Variants in UEVLD observed in about 807,000 individuals in gnomAD.
UEVLD encodes UEV and lactate/malate dehyrogenase domains, also known as ubiquitin-conjugating enzyme E2 variant 3.
A neutral mutation model predicts 58.6 loss-of-function variants in UEVLD; 47 were observed. That is an observed-to-expected ratio of 0.80 (90% confidence interval 0.63 to 1.02). The LOEUF (loss-of-function observed/expected upper bound fraction) is 1.02. UEVLD is among the 50% of genes least tolerant of loss of function. UEVLD has a pLI of 0.00. For missense variants in UEVLD, 510 were observed against 550.6 expected (o/e 0.93, Z 0.74); for synonymous variants, 197 against 195.3 (o/e 1.01, Z -0.07).
intron 6 of UEVLD, among the ~76,000 whole-genome samples, chr11:18,559,210 T>C (rs1342706969): frequency 6.9e-6 from 1 of 145,286 alleles, no homozygotes; most frequent in African/African-American, 2.6e-5. Context: ...CTTTTCTTTT[T>C]TTTTCTGAGA....
intron 4 of UEVLD, chr11:18,569,843 G>GT (rs2134034642): frequency 6.2e-6 from 1 of 160,990 alleles, no homozygotes; most frequent in South Asian, 1.7e-4. Context: ...TTATATGAAA[G>GT]TCAAAAACAG....
chr11:18,564,534 A>T (rs556635897), intron 6 of UEVLD, among the ~76,000 whole-genome samples: 65 of 142,690 alleles, frequency 4.6e-4, no homozygotes, highest in African/African-American at 1.7e-3. Flanking sequence ...GGCCATCTTT[A>T]AAAAAAAAAA....
chr11:18,554,392 AT>A (rs34857682), intron 7 of UEVLD, among the ~76,000 whole-genome samples: 11,934 of 107,360 alleles, frequency 0.11, 648 homozygotes, highest in South Asian at 0.24. Flanking sequence ...GTGCCTGGCC[AT>A]TTTTTTTTTT....
intron 8 of UEVLD, 49 bp from the exon 9 acceptor site, chr11:18,544,845 C>T: frequency 7.3e-7 from 1 of 1,372,806 alleles, no homozygotes; most frequent in South Asian, 1.6e-5. Context: ...AAAATATATA[C>T]TTCTAGCCTA....
At chr11:18,549,565 C>T (rs1851439733) in intron 7 of UEVLD, among the ~76,000 whole-genome samples, 1 of 151,858 alleles carries the variant, frequency 6.6e-6, no homozygotes, top group South Asian at 2.1e-4. Flanking sequence ...ATTACAGGTG[C>T]CCGCCACTGA....
In UEVLD at chr11:18,588,714, T is replaced by A; in HGVS notation, c.-60A>T. The A allele has an allele frequency of 6.3e-7, 1 of 1,576,144 alleles. No individual in the cohort carries two copies. The highest frequency in any genetic ancestry group is 8.6e-7 in the Non-Finnish European group (1 of 1,164,690). On this transcript the variant is annotated 5_prime_UTR_variant, in exon 1 of 12. Transcript: ENST00000396197. The stretch of plus-strand genomic sequence containing the variant: ...CAGCCCCCGGACCTTCTTCCGGACT[T>A]GCTGCAGGACGGAAGCCGCTGAGGA...
chr11:18,545,103 C>T (rs1375976084), intron 8 of UEVLD, among the ~76,000 whole-genome samples: 12 of 132,276 alleles, frequency 9.1e-5, no homozygotes, highest in East Asian at 2.2e-4. Context: ...GATGGAGTGT[C>T]GCTCTATCGC....
intron 9 of UEVLD, 67 bp downstream of exon 9, chr11:18,544,556 T>C: frequency 6.6e-7 from 1 of 1,523,638 alleles, no homozygotes; most frequent in Admixed American, 2.3e-5. Context: ...AATCCTGCCT[T>C]GGCCTCCCAA....
At chr11:18,549,091 C>A (rs953439079) in intron 7 of UEVLD, among the ~76,000 whole-genome samples, 8 of 152,198 alleles carry the variant, frequency 5.3e-5, no homozygotes, top group Non-Finnish European at 1.2e-4. Context: ...AAATCTGAGG[C>A]ACAGAGAAGT....
chr11:18,572,399 G>A (rs539757335), intron 3 of UEVLD, among the ~76,000 whole-genome samples: 25 of 152,280 alleles, frequency 1.6e-4, no homozygotes, highest in African/African-American at 6.0e-4. Flanking sequence ...CCATGCAGAT[G>A]GGAGGATAGA....
In UEVLD at chr11:18,558,392, C is replaced by T. The variant is rs185757154; in HGVS notation, c.613-62G>A. ...GCCAGTGACTCAATTTAAATTCATT[C>T]AACAATGAGGACTAAAGGACAATAA... On this transcript the variant is annotated intron_variant, in intron 6 of 11. Coordinates refer to ENST00000396197, the MANE Select transcript of UEVLD (RefSeq NM_001040697.4). 1.3e-3 allele frequency: 1,514 copies of T among 1,165,978 alleles called. 20 individuals are homozygous for T. In the African/African-American group the frequency reaches 0.021, roughly 16 times the overall value. 72.2% of individuals were successfully genotyped at this position (1,165,978 alleles called of 1,614,324 possible).
Position 18,570,285 on chromosome 11 carries a change from C to T in UEVLD, c.286G>A (p.Gly96Arg). The T allele has an allele frequency of 6.2e-7, 1 of 1,600,348 alleles. No individual in the cohort carries two copies. The highest frequency in any genetic ancestry group is 1.8e-5 in the Admixed American group (1 of 56,430). ...ICFLKPTANMGILVGKHVDAQ... is the reference protein window; with the variant it reads ...ICFLKPTANMRILVGKHVDAQ... ...TCCACATGTTTTCCGACTAAGATTC[C>T]CATATTTGCAGTTGGCTTCAAGAAG... Residue 96 changes from glycine (G) to arginine (R), a missense_variant, in exon 4 of 12, where the codon GGA becomes AGA. By Grantham distance (125) the Gly-to-Arg change is moderately radical. Transcript: ENST00000396197.
chr11:18,587,097 G>GA lies in UEVLD; in HGVS notation c.42+1515dup, dbSNP rs942347136. ...AGACTCTATGCTATGCACTGATGGG[G>GA]AAAAAAAAATCCTCTACTATTCTAC... On this transcript the variant is annotated intron_variant, in intron 1 of 11. Transcript: ENST00000396197. 5.3e-5 allele frequency among the ~76,000 whole-genome samples: 8 copies of GA among 151,004 alleles called. No individual in the cohort carries two copies. The South Asian group carries it at 8.4e-4, about 16-fold the overall frequency.
chr11:18,558,176 G>T, intron 7 of UEVLD, 52 bp downstream of exon 7: 1 of 1,358,330 alleles, frequency 7.4e-7, no homozygotes, highest in Non-Finnish European at 1.0e-6. Flanking sequence ...CATTCTAGGA[G>T]TCAAAAATGA....
At chr11:18,538,370 A>G (rs1850904236) in intron 9 of UEVLD, among the ~76,000 whole-genome samples, 1 of 148,676 alleles carries the variant, frequency 6.7e-6, no homozygotes, top group Non-Finnish European at 1.5e-5. Context: ...TCCGTCTCCC[A>G]GGTTCAAGCG....
At chr11:18,539,465 TTAGA>T (rs753541554) in intron 9 of UEVLD, among the ~76,000 whole-genome samples, 62 of 152,296 alleles carry the variant, frequency 4.1e-4, no homozygotes, top group Middle Eastern at 3.4e-3. Flanking sequence ...AATGTTTTAC[TTAGA>T]TAGAAGGGTG....
intron 1 of UEVLD, among the ~76,000 whole-genome samples, chr11:18,581,692 A>G (rs969935523): frequency 6.6e-6 from 1 of 151,708 alleles, no homozygotes; most frequent in Non-Finnish European, 1.5e-5. Context: ...AAAAAAAAAA[A>G]GAAAATTAGG....
chr11:18,556,349 T>C (rs2133999397), intron 7 of UEVLD, among the ~76,000 whole-genome samples: 1 of 152,300 alleles, frequency 6.6e-6, no homozygotes, highest in African/African-American at 2.4e-5. Flanking sequence ...TTAAAGCAAC[T>C]ATGGTACTCT....
chr11:18,544,471 C>T, intron 9 of UEVLD, 152 bp downstream of exon 9: 1 of 761,984 alleles, frequency 1.3e-6, no homozygotes, highest in South Asian at 2.0e-5. Flanking sequence ...CCGTGCCTGG[C>T]TAATTTTTTA....
Sources: gnomAD v4.1 joint callset for allele counts (sites outside exome capture counted in the v4.1 genomes callset) on GRCh38, gnomAD v4.1.1 for gene constraint, MANE v1.5 for transcripts, NCBI Gene and HGNC (gene_info 2026-07-23, HGNC 2026-07-21) for gene names.